The following ZNRF1 variants were observed in gnomAD, a reference collection of about 807,000 sequenced individuals.
ZNRF1 encodes zinc and ring finger 1.
Under a neutral mutation model 18.4 loss-of-function variants are expected in ZNRF1, and 3 were observed. That is an observed-to-expected ratio of 0.16 (90% confidence interval 0.07 to 0.42). The LOEUF is 0.42. Among genes scored for constraint, ZNRF1 ranks in the 10% least tolerant of loss-of-function variants. The probability of loss-of-function intolerance (pLI) is 0.99; values close to 1 mark genes in which losing one functional copy is unlikely to be tolerated. For synonymous variants in ZNRF1, 157 were observed against 144.2 expected (o/e 1.09, Z -0.64); for missense variants, 310 against 329.8 (o/e 0.94, Z 0.47).
intron 1 of ZNRF1, among the ~76,000 whole-genome samples, chr16:75,058,341 A>G (rs562587135): frequency 6.6e-6 from 1 of 152,156 alleles, no homozygotes; most frequent in Non-Finnish European, 1.5e-5. Context: ...GTTCTCATCC[A>G]TTATATGCAG....
chr16:75,097,809 C>G (rs1399445263), intron 2 of ZNRF1, among the ~76,000 whole-genome samples: 1 of 152,182 alleles, frequency 6.6e-6, no homozygotes, highest in Non-Finnish European at 1.5e-5. Context: ...GAGCTTGACC[C>G]TGTCTCAAAA....
intron 2 of ZNRF1, among the ~76,000 whole-genome samples, chr16:75,096,607 T>C (rs2036202935): frequency 6.6e-6 from 1 of 152,190 alleles, no homozygotes; most frequent in East Asian, 1.9e-4. Context: ...GAAGATTCAC[T>C]AGAACTCCTG....
At chr16:75,087,188 A>G (rs1053379778) in intron 1 of ZNRF1, among the ~76,000 whole-genome samples, 2 of 152,178 alleles carry the variant, frequency 1.3e-5, no homozygotes, top group African/African-American at 4.8e-5. Flanking sequence ...GTCAAATGGT[A>G]GGGCCTGGGT....
At chr16:75,034,690 G>T (rs2035354484) in intron 1 of ZNRF1, among the ~76,000 whole-genome samples, 2 of 152,294 alleles carry the variant, frequency 1.3e-5, no homozygotes, top group African/African-American at 4.8e-5. Context: ...TACAGTGCAT[G>T]ATCTTGGCTC....
chr16:75,046,366 C>G (rs930325776), intron 1 of ZNRF1, among the ~76,000 whole-genome samples: 1 of 151,922 alleles, frequency 6.6e-6, no homozygotes, highest in African/African-American at 2.4e-5. Context: ...ATTCTCGTAC[C>G]TCAGCCTCCC....
At chr16:75,064,637 C>A (rs1342107360) in intron 1 of ZNRF1, among the ~76,000 whole-genome samples, 1 of 151,986 alleles carries the variant, frequency 6.6e-6, no homozygotes, top group Non-Finnish European at 1.5e-5. Context: ...TCTCCCAGAA[C>A]CTGCCTGGCA....
At chr16:75,015,380 A>C (rs1293569547) in intron 1 of ZNRF1, among the ~76,000 whole-genome samples, 1 of 152,172 alleles carries the variant, frequency 6.6e-6, no homozygotes, top group Non-Finnish European at 1.5e-5. Context: ...GTTCGAGACC[A>C]GCTTGACCAA....
At chr16:75,025,092 G>T (rs1017248021) in intron 1 of ZNRF1, among the ~76,000 whole-genome samples, 1 of 152,040 alleles carries the variant, frequency 6.6e-6, no homozygotes, top group Non-Finnish European at 1.5e-5. Flanking sequence ...TTTTGAGACA[G>T]AGTTGCACTC....
chr16:75,007,908 C>T (rs1427698249), intron 1 of ZNRF1, among the ~76,000 whole-genome samples: 12 of 151,978 alleles, frequency 7.9e-5, no homozygotes, highest in African/African-American at 2.2e-4. Context: ...TTCTGTTGCC[C>T]GGGCTGGAGT....
At chr16:75,005,088 G>A (rs2034901585) in intron 1 of ZNRF1, among the ~76,000 whole-genome samples, 2 of 152,180 alleles carry the variant, frequency 1.3e-5, no homozygotes. Context: ...CGCCATAGGT[G>A]TGCTAGAAGT....
intron 2 of ZNRF1, among the ~76,000 whole-genome samples, chr16:75,102,723 C>T (rs1412585563): frequency 6.6e-6 from 1 of 152,198 alleles, no homozygotes; most frequent in African/African-American, 2.4e-5. Flanking sequence ...CAAACCTCAG[C>T]TCTAGGCTTC....
chr16:75,070,614 CA>C (rs1206067275), intron 1 of ZNRF1, among the ~76,000 whole-genome samples: 1 of 152,210 alleles, frequency 6.6e-6, no homozygotes, highest in African/African-American at 2.4e-5. Context: ...GATGCATTCA[CA>C]AACTAAGTAC....
At chr16:75,069,372 C>G (rs2035842355) in intron 1 of ZNRF1, among the ~76,000 whole-genome samples, 1 of 152,154 alleles carries the variant, frequency 6.6e-6, no homozygotes, top group Admixed American at 6.5e-5. Flanking sequence ...TCCCCTCAGG[C>G]TTAGTCTTGG....
intron 1 of ZNRF1, among the ~76,000 whole-genome samples, chr16:75,075,593 T>A (rs2035929788): frequency 6.6e-6 from 1 of 152,186 alleles, no homozygotes; most frequent in Non-Finnish European, 1.5e-5. Flanking sequence ...TTCACACATT[T>A]CCGTGAAGTG....
chr16:75,052,717 A>C (rs927516924), intron 1 of ZNRF1, among the ~76,000 whole-genome samples: 4 of 152,168 alleles, frequency 2.6e-5, no homozygotes, highest in African/African-American at 9.7e-5. Flanking sequence ...GTGAACACCC[A>C]TATAACCACC....
At chr16:75,103,706 G>A (rs1262188962) in intron 2 of ZNRF1, among the ~76,000 whole-genome samples, 1 of 152,174 alleles carries the variant, frequency 6.6e-6, no homozygotes, top group East Asian at 1.9e-4. Context: ...GAAAAAACGG[G>A]TCAGGCGTGG....
chr16:75,002,665 C>T (rs1248814802), intron 1 of ZNRF1, among the ~76,000 whole-genome samples: 4 of 152,308 alleles, frequency 2.6e-5, no homozygotes, highest in Middle Eastern at 6.8e-3. Context: ...CAAGACATAT[C>T]CCCTCTCTTG....
At chr16:75,089,936 A>G (rs1455822653) in intron 1 of ZNRF1, among the ~76,000 whole-genome samples, 3 of 152,220 alleles carry the variant, frequency 2.0e-5, no homozygotes, top group South Asian at 4.1e-4. Context: ...TATCAGAAAC[A>G]TAAGTACCTG....
At chr16:75,054,394 C>G (rs895151244) in intron 1 of ZNRF1, among the ~76,000 whole-genome samples, 8 of 152,202 alleles carry the variant, frequency 5.3e-5, no homozygotes, top group Non-Finnish European at 1.0e-4. Context: ...TCCCTGGCAC[C>G]CTGCCAGTTC....
Sources: allele counts gnomAD v4.1 joint callset (sites outside exome capture counted in the v4.1 genomes callset), GRCh38; gene constraint gnomAD v4.1.1; transcripts MANE v1.5; gene names NCBI Gene and HGNC (gene_info 2026-07-23, HGNC 2026-07-21).